The following ITGAE variants were observed in gnomAD, a reference collection of about 807,000 sequenced individuals.
ITGAE encodes integrin subunit alpha E.
ITGAE carries 99 observed loss-of-function variants against 136.5 expected under a neutral mutation model. The observed-to-expected ratio is 0.73, with a 90% confidence interval of 0.62 to 0.86. ITGAE has a LOEUF of 0.86. Among genes scored for constraint, ITGAE ranks in the 40% least tolerant of loss-of-function variants. The pLI, the probability that ITGAE is intolerant of heterozygous loss-of-function variation, is 0.00. For missense variants in ITGAE, 1,447 were observed against 1,515.3 expected (o/e 0.95, Z 0.75); for synonymous variants, 613 against 591.8 (o/e 1.04, Z -0.52).
At chr17:3,785,423 C>A (rs888902150) in intron 1 of ITGAE, among the ~76,000 whole-genome samples, 2 of 149,566 alleles carry the variant, frequency 1.3e-5, no homozygotes, top group Admixed American at 6.7e-5. Flanking sequence ...GAGCCGAGAT[C>A]GTGCCATTGC....
At chr17:3,760,406 T>C in intron 6 of ITGAE, 119 bp from the exon 7 acceptor site, 1 of 349,790 alleles carries the variant, frequency 2.9e-6, no homozygotes, top group South Asian at 5.8e-5. Context: ...AGGGAAGAAG[T>C]TGGAGAAGCT....
chr17:3,768,946 A>G (rs907186543), intron 2 of ITGAE, among the ~76,000 whole-genome samples: 4 of 151,988 alleles, frequency 2.6e-5, no homozygotes, highest in Non-Finnish European at 5.9e-5. Flanking sequence ...GGCAGGGCTG[A>G]GGGGCGGAGG....
At chr17:3,782,555 A>T (rs1175872295) in intron 1 of ITGAE, among the ~76,000 whole-genome samples, 4 of 151,776 alleles carry the variant, frequency 2.6e-5, no homozygotes, top group Admixed American at 6.6e-5. Flanking sequence ...TTTAGTAGAG[A>T]TAGGTTTTCA....
intron 26 of ITGAE, 72 bp from the exon 27 acceptor site, chr17:3,723,816 G>C: frequency 6.4e-7 from 1 of 1,571,992 alleles, no homozygotes; most frequent in South Asian, 1.2e-5. Context: ...TCCCGGCCCC[G>C]GCCCTGGCGA....
chr17:3,792,119 T>G (rs2052952856), intron 1 of ITGAE, among the ~76,000 whole-genome samples: 1 of 152,134 alleles, frequency 6.6e-6, no homozygotes, highest in African/African-American at 2.4e-5. Flanking sequence ...TAATTTTATT[T>G]TATTTATGTA....
At position 3,796,049 on chromosome 17, in the gene ITGAE, ATCTG is replaced by A. The variant is rs766276025; in HGVS notation, c.34+5058_34+5061del. On this transcript the variant is annotated intron_variant, in intron 1 of 30. Transcript: ENST00000263087. ...TGTGTGCGTGTGCATCCGTGTGTGC[ATCTG>A]TGTGTGTGCATCCGTGTTTGTGCAT... is the stretch of plus-strand genomic sequence containing the variant. Among the ~76,000 whole-genome samples the A allele has an allele frequency of 7.0e-3, 309 of 44,294 alleles. 1 individual carries two copies. Among genetic ancestry groups the A allele is most frequent in the Admixed American group, 0.011 (34 of 3,090 alleles). 29.1% of individuals were successfully genotyped at this position (44,294 alleles called of 152,430 possible).
rs561164414 is a variant in ITGAE, at chr17:3,749,280, A to C, written c.2024+1072T>G. The stretch of plus-strand genomic sequence containing the variant: ...TTTCTTTTTTTTTTTTTGGAGACGG[A>C]GTCTCGCTCTGTCGCCCAGGCTGGA... On this transcript the variant is annotated intron_variant, in intron 16 of 30. Transcript: ENST00000263087. 4.2e-4 allele frequency among the ~76,000 whole-genome samples: 63 copies of C among 149,144 alleles called. 1 individual carries two copies. The South Asian group carries it at 0.013, about 31-fold the overall frequency.
chr17:3,728,368 CTTTTTTTTTTTTTT>C (rs569101162), intron 24 of ITGAE, 200 bp from the exon 25 acceptor site: 1 of 165,536 alleles, frequency 6.0e-6, no homozygotes, highest in Non-Finnish European at 1.1e-5. Flanking sequence ...ACACTCATCC[CTTTTTTTTTTTTTT>C]TTTTTTTTTG....
intron 1 of ITGAE, among the ~76,000 whole-genome samples, chr17:3,795,985 GCA>G (rs2053071095): frequency 8.8e-5 from 5 of 56,532 alleles, no homozygotes; most frequent in East Asian, 2.4e-4. Flanking sequence ...ATCCGTGTGT[GCA>G]TCTGTGTGTG....
chr17:3,788,484 G>C (rs895348188), intron 1 of ITGAE, among the ~76,000 whole-genome samples: 1 of 111,756 alleles, frequency 8.9e-6, no homozygotes, highest in African/African-American at 3.0e-5. Flanking sequence ...TTTTTTGGTA[G>C]AGGCGAGGTT....
chr17:3,750,585 G>A (rs1288411588), intron 15 of ITGAE, 103 bp from the exon 16 acceptor site: 10 of 1,327,986 alleles, frequency 7.5e-6, no homozygotes, highest in Non-Finnish European at 1.0e-5. Context: ...GCACCATCCA[G>A]CCCCAGGGAG....
At chr17:3,786,027 C>T (rs1347954433) in intron 1 of ITGAE, among the ~76,000 whole-genome samples, 1 of 151,706 alleles carries the variant, frequency 6.6e-6, no homozygotes, top group Non-Finnish European at 1.5e-5. Flanking sequence ...ATTAGCCGGG[C>T]GTGGTGGCGG....
intron 2 of ITGAE, among the ~76,000 whole-genome samples, chr17:3,768,353 G>C (rs1029900613): frequency 2.6e-5 from 4 of 152,068 alleles, no homozygotes; most frequent in Admixed American, 2.6e-4. Flanking sequence ...TCGAACTCCT[G>C]GGCTCAGGTA....
Position 3,743,498 on chromosome 17 carries a change from G to T in ITGAE, c.2439C>A (p.Ala813=). 1 of 1,595,406 alleles carries T rather than the reference G, an allele frequency of 6.3e-7. No homozygotes were observed. Among genetic ancestry groups the T allele is most frequent in the Non-Finnish European group, 8.5e-7 (1 of 1,173,092 alleles). Residue 813 remains alanine, a synonymous_variant, in exon 19 of 31, where the codon GCC becomes GCA. Coordinates refer to ENST00000263087, the MANE Select transcript of ITGAE (RefSeq NM_002208.5). ...CTGTGGGTAGAGTCACCTGGAAGAT[G>T]GCAAAGGGCTCAGTGTAGCGGTCCA... ...PILDRYTEPF[A]IFQLPYEKAC... is the part of the protein sequence containing the mutation.
At chr17:3,746,751 C>T (rs970931814) in intron 17 of ITGAE, among the ~76,000 whole-genome samples, 4 of 152,138 alleles carry the variant, frequency 2.6e-5, no homozygotes, top group Admixed American at 2.0e-4. Flanking sequence ...TGTCACCACA[C>T]CTGGCTAATT....
chr17:3,739,726 G>A (rs1419575266), intron 20 of ITGAE, 79 bp downstream of exon 20: 2 of 1,165,206 alleles, frequency 1.7e-6, no homozygotes, highest in African/African-American at 1.5e-5. Flanking sequence ...GATGTGCAGG[G>A]TGTCCTAATG....
chr17:3,755,710 T>C lies in ITGAE; in HGVS notation c.1239+120A>G, dbSNP rs565894407. The stretch of plus-strand genomic sequence containing the variant: ...AATTAATTAAAATAAAATCGCTCTT[T>C]TACAGGAATCACCACAGGTAGGGCA... On this transcript the variant is annotated intron_variant, in intron 11 of 30. Transcript: ENST00000263087. 4.4e-6 allele frequency: 3 copies of C among 674,346 alleles called. No individual in the cohort carries two copies. In the East Asian group the frequency reaches 8.9e-5, roughly 20 times the overall value. The allele number at this position is 674,346 out of a possible 1,614,324, so 41.8% of individuals were successfully genotyped here. A position where few individuals can be genotyped will look rare whatever the true frequency, so the allele number is the denominator to read the frequency against.
chr17:3,723,965 C>T (rs1225811372), intron 26 of ITGAE: 3 of 1,571,070 alleles, frequency 1.9e-6, no homozygotes, highest in Non-Finnish European at 2.6e-6. Flanking sequence ...GACCTGGGAG[C>T]CGGCTTTTCC....
chr17:3,723,912 TG>T, intron 26 of ITGAE, 168 bp from the exon 27 acceptor site: 1 of 1,540,580 alleles, frequency 6.5e-7, no homozygotes, highest in Non-Finnish European at 8.7e-7. Context: ...TGTTTGCGTT[TG>T]AACCTCTTGG....
Sources: allele counts gnomAD v4.1 joint callset (sites outside exome capture counted in the v4.1 genomes callset), GRCh38; gene constraint gnomAD v4.1.1; transcripts MANE v1.5; gene names NCBI Gene and HGNC (gene_info 2026-07-23, HGNC 2026-07-21).